HTT: variants seen among roughly 807,000 people sequenced by gnomAD.
The protein encoded by HTT is huntingtin.
Under a neutral mutation model 362.3 loss-of-function variants are expected in HTT, and 104 were observed. The ratio of observed to expected loss-of-function variants is 0.29; its 90% CI spans 0.24 to 0.34. The LOEUF (loss-of-function observed/expected upper bound fraction) is 0.34. HTT is among the 10% of genes least tolerant of loss of function. HTT has a pLI of 1.00. For missense variants in HTT, 3,301 were observed against 3,928.6 expected (o/e 0.84, Z 4.27); for synonymous variants, 1,577 against 1,548.7 (o/e 1.02, Z -0.43).
At chr4:3,229,389 A>AC (rs1216409541) in intron 59 of HTT, among the ~76,000 whole-genome samples, 2 of 143,446 alleles carry the variant, frequency 1.4e-5, no homozygotes, top group African/African-American at 2.7e-5. Context: ...ACGTGCACAC[A>AC]CCCCACACAC....
chr4:3,239,026 C>A, intron 66 of HTT, 48 bp downstream of exon 66: 1 of 1,540,064 alleles, frequency 6.5e-7, no homozygotes, highest in Non-Finnish European at 8.8e-7. Flanking sequence ...CTTGTCAACA[C>A]CGAGGCTCAT....
In HTT at chr4:3,207,301, A is replaced by G. The variant is rs773838355; in HGVS notation, c.6096A>G (p.Pro2032=). 1.9e-6 allele frequency: 3 copies of G among 1,613,936 alleles called. No homozygotes were observed. The highest frequency in any genetic ancestry group is 2.5e-6 in the Non-Finnish European group (3 of 1,179,924). Residue 2032 remains proline (P), a synonymous_variant, in exon 45 of 67, where the codon CCA becomes CCG. Transcript: ENST00000355072. ...ANLQSSMAQL[P]MEELNRIQEY... ...ATTAGAGCAGCATGGCCCAGTTGCC[A>G]ATGGAAGAACTCAACAGAATCCAGG... is the stretch of plus-strand genomic sequence containing the variant.
chr4:3,235,378 T>C lies in HTT; in HGVS notation c.8551T>C (p.Phe2851Leu). 1 of 1,612,074 alleles carries C rather than the reference T, an allele frequency of 6.2e-7. No homozygotes were observed. The highest frequency in any genetic ancestry group is 2.2e-5 in the East Asian group (1 of 44,874). The part of the protein sequence containing the change: ...ENYPLDVGPE[F>L]SASIIQMCGV... The stretch of plus-strand genomic sequence containing the variant: ...CTATCCTCTGGACGTAGGGCCGGAA[T>C]TTTCAGCATCAATAATACAGGTGAG... Residue 2851 changes from phenylalanine to leucine, a missense_variant, in exon 62 of 67, where the codon TTT becomes CTT. Coordinates refer to ENST00000355072, the MANE Select transcript of HTT (RefSeq NM_001388492.1).
chr4:3,101,843 T>G (rs959302831), intron 3 of HTT, among the ~76,000 whole-genome samples: 16 of 152,080 alleles, frequency 1.1e-4, no homozygotes, highest in Non-Finnish European at 4.4e-5. Context: ...GCTGAAGTGA[T>G]TTTTGTCTAG....
intron 1 of HTT, among the ~76,000 whole-genome samples, chr4:3,080,293 C>G (rs1712823169): frequency 6.6e-6 from 1 of 151,990 alleles, no homozygotes; most frequent in African/African-American, 2.4e-5. Flanking sequence ...TGGGGTTTCA[C>G]CATGTTGGCC....
chr4:3,231,449 A>G (rs1721245169), intron 60 of HTT, among the ~76,000 whole-genome samples: 1 of 152,134 alleles, frequency 6.6e-6, no homozygotes, highest in Admixed American at 6.5e-5. Flanking sequence ...GGCCAAGGTC[A>G]GAGGTTAGCT....
In HTT at chr4:3,173,121, G is replaced by A; in HGVS notation, c.4156G>A (p.Asp1386Asn). Residue 1386 changes from aspartate to asparagine, a missense_variant, in exon 31 of 67, where the codon GAC (aspartate) becomes AAC (asparagine). By Grantham distance (23) the Asp-to-Asn change is conservative. Coordinates refer to ENST00000355072, the MANE Select transcript of HTT (RefSeq NM_001388492.1). The part of the protein sequence containing the change: ...RNMVQAEQEN[D>N]TSGWFDVLQK... ...CATGGTGCAGGCGGAGCAGGAGAAC[G>A]ACACCTCGGGGTAACAGTTGTGGCA... The A allele has an allele frequency of 1.2e-6, 2 of 1,613,568 alleles. No individual in the cohort carries two copies. The highest frequency in any genetic ancestry group is 2.2e-5 in the East Asian group (1 of 44,890).
chr4:3,132,575 C>T lies in HTT; in HGVS notation c.2250C>T (p.Val750=), dbSNP rs984669229. 6.2e-7 allele frequency: 1 copy of T among 1,613,954 alleles called. No homozygotes were observed. Among genetic ancestry groups the T allele is most frequent in the Admixed American group, 1.7e-5 (1 of 60,020 alleles). Residue 750 remains valine (V), a synonymous_variant, in exon 17 of 67, where the codon GTC becomes GTT. Coordinates refer to ENST00000355072, the MANE Select transcript of HTT (RefSeq NM_001388492.1). The part of the protein sequence containing the change: ...DTTEYPEEQY[V]SDILNYIDHG... ...TTATCTCCACAGAGGAACAGTATGT[C>T]TCAGACATCTTGAACTACATCGATC...
At chr4:3,220,158 G>A in intron 52 of HTT, 24 bp from the exon 53 acceptor site, 3 of 1,613,912 alleles carry the variant, frequency 1.9e-6, no homozygotes, top group Non-Finnish European at 2.5e-6. Flanking sequence ...CTCGGATGAT[G>A]TCACTTCCTT....
At chr4:3,154,957 C>T (rs1050796533) in intron 27 of HTT, among the ~76,000 whole-genome samples, 14 of 151,864 alleles carry the variant, frequency 9.2e-5, no homozygotes, top group Non-Finnish European at 1.8e-4. Context: ...ACAGAAGGGG[C>T]TAGGATTTAG....
At position 3,215,141 on chromosome 4, in the gene HTT, T is replaced by A. The variant is rs760418260; in HGVS notation, c.6984T>A (p.Ser2328Arg). The A allele has an allele frequency of 1.3e-5, 21 of 1,614,076 alleles. No individual in the cohort carries two copies. The highest frequency in any genetic ancestry group is 1.8e-5 in the Non-Finnish European group (21 of 1,179,976). ...VAVQPGEQLL[S>R]PERRTNTPKA... ...TGCAGCCTGGAGAGCAGCTTCTTAG[T>A]CCAGAAAGAAGGACAAATACCCCAA... Residue 2328 changes from serine to arginine, a missense_variant, in exon 51 of 67, where the codon AGT becomes AGA. Physicochemically the swap from Ser to Arg is moderately radical, Grantham distance 110. Coordinates refer to ENST00000355072, the MANE Select transcript of HTT (RefSeq NM_001388492.1).
chr4:3,106,192 CA>C (rs1446260843), intron 5 of HTT, among the ~76,000 whole-genome samples: 2 of 152,208 alleles, frequency 1.3e-5, no homozygotes, highest in African/African-American at 4.8e-5. Flanking sequence ...GCCGCCTCTA[CA>C]AAAAATACAA....
chr4:3,142,538 G>A (rs1019260425), intron 22 of HTT, among the ~76,000 whole-genome samples: 4 of 152,126 alleles, frequency 2.6e-5, no homozygotes, highest in African/African-American at 9.7e-5. Flanking sequence ...GCTGTAAGGG[G>A]AGTATGGCTG....
Position 3,146,780 on chromosome 4 carries a change from CA to C in HTT, c.3144-14del. ...AAAAATTGTCTATAATTTGACTTTGCAAATGTCTGCTTCCAGAGTGCCTCCA... is the reference window on the plus strand; with the variant it reads ...AAAAATTGTCTATAATTTGACTTTGCAATGTCTGCTTCCAGAGTGCCTCCA... On this transcript the variant is annotated splice_polypyrimidine_tract_variant and intron_variant, in intron 24 of 66. Transcript: ENST00000355072. The C allele has an allele frequency of 6.2e-7, 1 of 1,611,122 alleles. No individual in the cohort carries two copies. The highest frequency in any genetic ancestry group is 1.1e-5 in the South Asian group (1 of 90,980).
intron 2 of HTT, among the ~76,000 whole-genome samples, chr4:3,096,356 T>C (rs1198884534): frequency 2.6e-5 from 4 of 152,218 alleles, no homozygotes; most frequent in Admixed American, 6.5e-5. Flanking sequence ...TGACCAACAC[T>C]GTCCCCTGTG....
At chr4:3,096,602 C>T (rs1713869477) in intron 2 of HTT, among the ~76,000 whole-genome samples, 1 of 152,152 alleles carries the variant, frequency 6.6e-6, no homozygotes, top group African/African-American at 2.4e-5. Flanking sequence ...AACCCATTTC[C>T]ACATGGCCCA....
intron 28 of HTT, among the ~76,000 whole-genome samples, chr4:3,158,629 A>G (rs946198656): frequency 6.6e-6 from 1 of 151,400 alleles, no homozygotes; most frequent in Non-Finnish European, 1.5e-5. Context: ...TGTTACTAAT[A>G]GTTACTTCTT....
chr4:3,240,168 G>T lies in HTT; in HGVS notation c.*109G>T, dbSNP rs148278311. The T allele has an allele frequency of 1.5e-3, 1,359 of 904,138 alleles. 9 individuals carry two copies. Among genetic ancestry groups the T allele is most frequent in the Middle Eastern group, 5.0e-3 (15 of 2,972 alleles). The allele number at this position is 904,138 out of a possible 1,614,324, so 56.0% of individuals were successfully genotyped here. On this transcript the variant is annotated 3_prime_UTR_variant, in exon 67 of 67. Transcript: ENST00000355072. ...GCCAGCTTGGTCCCTATGGGCTTCC[G>T]CACATGCCGCGGGCGGCCAGGCAAC...
intron 18 of HTT, 39 bp from the exon 19 acceptor site, chr4:3,134,362 C>G: frequency 6.3e-7 from 1 of 1,596,800 alleles, no homozygotes; most frequent in Non-Finnish European, 8.5e-7. Context: ...CTGAGTGGGA[C>G]TAACCTGCTG....
Sources: gnomAD v4.1 joint callset for allele counts (sites outside exome capture counted in the v4.1 genomes callset) on GRCh38, gnomAD v4.1.1 for gene constraint, MANE v1.5 for transcripts, NCBI Gene and HGNC (gene_info 2026-07-23, HGNC 2026-07-21) for gene names.